Variants in PTTG1IP observed in about 807,000 individuals in gnomAD.
PTTG1IP encodes the protein pituitary tumor-transforming gene 1 protein-interacting protein.
In PTTG1IP, 16 loss-of-function variants were observed where a neutral mutation model predicts 24.4. That is an observed-to-expected ratio of 0.66 (90% CI 0.44 to 1.00). PTTG1IP has a LOEUF of 1.00. PTTG1IP is among the 50% of genes least tolerant of loss of function. The pLI, the probability that PTTG1IP is intolerant of heterozygous loss-of-function variation, is 0.00. For missense variants in PTTG1IP, 241 were observed against 245.8 expected, an observed-to-expected ratio of 0.98 and a Z score of 0.13; for synonymous variants, 89 against 96.8, an observed-to-expected ratio of 0.92 and a Z score of 0.47.
chr21:44,855,945 A>G (rs2083446434), intron 4 of PTTG1IP, among the ~76,000 whole-genome samples: 2 of 152,314 alleles, frequency 1.3e-5, no homozygotes, highest in South Asian at 2.1e-4. Context: ...GCACAGACTC[A>G]GCCTTACTGC....
chr21:44,866,209 A>AACACACACAC (rs35473745), intron 1 of PTTG1IP, among the ~76,000 whole-genome samples: 1 of 124,384 alleles, frequency 8.0e-6, no homozygotes, highest in South Asian at 2.7e-4. Context: ...CCAATCCTGT[A>AACACACACAC]ACACACACAC....
Position 44,868,773 on chromosome 21 carries a change from C to T in PTTG1IP, c.116-3326G>A, listed in dbSNP as rs76053454. 9.5e-3 allele frequency among the ~76,000 whole-genome samples: 1,440 copies of T among 152,284 alleles called. 11 individuals carry two copies. The highest frequency in any genetic ancestry group is 0.054 in the Middle Eastern group (16 of 294). Reference sequence around the variant, plus strand: ...CCAACACTAATGCAGGCAAGAATTCCCCAAAGATGCCAAGTCCACTGGGTC... The same window carrying T: ...CCAACACTAATGCAGGCAAGAATTCTCCAAAGATGCCAAGTCCACTGGGTC... On this transcript the variant is annotated intron_variant, in intron 1 of 5. Transcript: ENST00000330938.
intron 2 of PTTG1IP, among the ~76,000 whole-genome samples, chr21:44,864,030 A>G (rs761436726): frequency 3.3e-5 from 5 of 152,184 alleles, no homozygotes; most frequent in Admixed American, 2.6e-4. Flanking sequence ...CTTAGAATAG[A>G]AATCATCGAA....
At chr21:44,862,431 A>G (rs1403625461) in intron 2 of PTTG1IP, among the ~76,000 whole-genome samples, 3 of 152,232 alleles carry the variant, frequency 2.0e-5, no homozygotes, top group East Asian at 3.8e-4. Flanking sequence ...AGGCAGGAGA[A>G]TCGCTTGAGC....
At chr21:44,863,613 T>C (rs1207290397) in intron 2 of PTTG1IP, among the ~76,000 whole-genome samples, 2 of 152,202 alleles carry the variant, frequency 1.3e-5, no homozygotes, top group East Asian at 1.9e-4. Context: ...CAGGGTACTA[T>C]GGCAAAAACG....
chr21:44,859,276 C>T (rs973739662), intron 3 of PTTG1IP, among the ~76,000 whole-genome samples: 8 of 152,342 alleles, frequency 5.3e-5, no homozygotes, highest in Admixed American at 3.9e-4. Flanking sequence ...CAGTGGCTCC[C>T]ATGGGGGTCC....
At position 44,851,556 on chromosome 21, in the gene PTTG1IP, G is replaced by A. The variant is rs764882083; in HGVS notation, c.*25C>T. The A allele has an allele frequency of 1.2e-5, 20 of 1,612,584 alleles. No individual in the cohort carries two copies. Among genetic ancestry groups the A allele is most frequent in the Non-Finnish European group, 1.6e-5 (19 of 1,178,738 alleles). On this transcript the variant is annotated 3_prime_UTR_variant, in exon 6 of 6. Coordinates refer to ENST00000330938, the MANE Select transcript of PTTG1IP (RefSeq NM_004339.4). The stretch of plus-strand genomic sequence containing the variant: ...GCGGAGCGTGCACCTCACAGGAAGC[G>A]TCGGGACTGATGTGCTGGAGCGCTT...
In PTTG1IP at chr21:44,861,928, T is replaced by A. The variant is rs541364757; in HGVS notation, c.169-657A>T. 321 of 700,466 alleles carry A rather than the reference T, an allele frequency of 4.6e-4. No homozygotes were observed. The African/African-American group carries it at 5.3e-3, about 11-fold the overall frequency. 43.4% of individuals were successfully genotyped at this position (700,466 alleles called of 1,614,324 possible). ...GCTTCCTACCTCTGACCTTCACAAC[T>A]GCACTAAGTCGCACAGCTTGAAAGA... On this transcript the variant is annotated intron_variant, in intron 2 of 5. Transcript: ENST00000330938.
chr21:44,851,587 G>A lies in PTTG1IP; in HGVS notation c.537C>T (p.Asn179=). ...ACTGATGTGCTGGAGCGCTTTAGTTGTTTTCAAATCTAGCATACGGGTTTT... is the reference window on the plus strand; with the variant it reads ...ACTGATGTGCTGGAGCGCTTTAGTTATTTTCAAATCTAGCATACGGGTTTT... ...KEENPYARFE[N]N The change falls in exon 6 of 6, where the codon AAC becomes AAT. Residue 179 remains asparagine, a synonymous_variant. Coordinates refer to ENST00000330938, the MANE Select transcript of PTTG1IP (RefSeq NM_004339.4). The A allele has an allele frequency of 6.3e-7, 1 of 1,596,250 alleles. No homozygotes were observed. Among genetic ancestry groups the A allele is most frequent in the Non-Finnish European group, 8.6e-7 (1 of 1,164,972 alleles).
chr21:44,860,247 T>C (rs2083480043), intron 3 of PTTG1IP, among the ~76,000 whole-genome samples: 1 of 152,096 alleles, frequency 6.6e-6, no homozygotes. Flanking sequence ...CGGGCACCTG[T>C]AGTCCCAGCT....
rs1437230194 is a variant in PTTG1IP at position 44,850,589 on chromosome 21, A to T, written c.*992T>A. 6.6e-6 allele frequency: 1 copy of T among 152,312 alleles called. No homozygotes were observed. The highest frequency in any genetic ancestry group is 1.5e-5 in the Non-Finnish European group (1 of 68,064). 9.4% of individuals were successfully genotyped at this position (152,312 alleles called of 1,614,324 possible). Reference sequence around the variant, plus strand: ...CTCTGGACACACCTGCTTCCGGGGCACGTGGCCCAGAGCCGGGCCTGTGGA... The same window carrying T: ...CTCTGGACACACCTGCTTCCGGGGCTCGTGGCCCAGAGCCGGGCCTGTGGA... On this transcript the variant is annotated 3_prime_UTR_variant, in exon 6 of 6. Coordinates refer to ENST00000330938, the MANE Select transcript of PTTG1IP (RefSeq NM_004339.4).
chr21:44,869,833 TC>T (rs1192966073), intron 1 of PTTG1IP, among the ~76,000 whole-genome samples: 1 of 152,190 alleles, frequency 6.6e-6, no homozygotes, highest in East Asian at 1.9e-4. Context: ...TGAAAAGTCA[TC>T]CATGAGGAAG....
At chr21:44,862,737 G>T (rs983352271) in intron 2 of PTTG1IP, among the ~76,000 whole-genome samples, 3 of 152,104 alleles carry the variant, frequency 2.0e-5, no homozygotes, top group African/African-American at 7.2e-5. Context: ...TCTTTCCCAG[G>T]GCTACTTATA....
intron 1 of PTTG1IP, among the ~76,000 whole-genome samples, chr21:44,868,467 T>C (rs144281563): frequency 1.3e-4 from 20 of 152,158 alleles, no homozygotes; most frequent in Admixed American, 5.9e-4. Context: ...CTCGGAGAAA[T>C]GGCTGATTCC....
chr21:44,867,407 G>T (rs933052788), intron 1 of PTTG1IP, among the ~76,000 whole-genome samples: 1 of 151,922 alleles, frequency 6.6e-6, no homozygotes, highest in Non-Finnish European at 1.5e-5. Context: ...ATGGAGGGAG[G>T]GGGGCAATGG....
intron 3 of PTTG1IP, among the ~76,000 whole-genome samples, chr21:44,860,043 G>T (rs1313238568): frequency 1.3e-5 from 2 of 152,146 alleles, no homozygotes. Flanking sequence ...ATGAGTTCTA[G>T]GTTACAAAAC....
At chr21:44,861,346 C>T in intron 2 of PTTG1IP, 75 bp from the exon 3 acceptor site, 5 of 1,248,100 alleles carry the variant, frequency 4.0e-6, no homozygotes, top group Non-Finnish European at 5.7e-6. Flanking sequence ...CTGCCCACAG[C>T]CCGCCAGTGC....
At chr21:44,859,702 C>T (rs906818407) in intron 3 of PTTG1IP, among the ~76,000 whole-genome samples, 1 of 152,144 alleles carries the variant, frequency 6.6e-6, no homozygotes, top group Non-Finnish European at 1.5e-5. Context: ...ACACAGTACA[C>T]ACATCACACA....
At chr21:44,853,943 T>TCA (rs2083429714) in intron 5 of PTTG1IP, among the ~76,000 whole-genome samples, 1 of 152,052 alleles carries the variant, frequency 6.6e-6, no homozygotes, top group Admixed American at 6.5e-5. Flanking sequence ...TGGCCTCAGG[T>TCA]CACAGCACAG....
Sources: allele counts gnomAD v4.1 joint callset (sites outside exome capture counted in the v4.1 genomes callset), GRCh38; gene constraint gnomAD v4.1.1; transcripts MANE v1.5; gene names NCBI Gene and HGNC (gene_info 2026-07-23, HGNC 2026-07-21).